SLC14A1: variants seen among roughly 807,000 people sequenced by gnomAD.
SLC14A1 encodes the protein urea transporter 1.
In SLC14A1, 36 loss-of-function variants were observed where a neutral mutation model predicts 39.6. The observed-to-expected ratio is 0.91, with a 90% confidence interval of 0.70 to 1.20. The LOEUF is 1.20. Ranked by LOEUF, SLC14A1 falls within the 50% of genes most tolerant of loss-of-function variation. The pLI is 0.00. For synonymous variants in SLC14A1, 164 were observed against 173.6 expected (o/e 0.94, Z 0.43); for missense variants, 469 against 478.7 (o/e 0.98, Z 0.19).
In SLC14A1 at chr18:45,734,457, G is replaced by A. The variant is rs527786363; in HGVS notation, c.470+55G>A. The A allele has an allele frequency of 1.3e-5, 20 of 1,584,392 alleles. No individual in the cohort carries two copies. The Admixed American group carries it at 3.2e-4, about 25-fold the overall frequency. ...TTTTGAAAAAAAAAACATGGCAGAA[G>A]GAGGGAATGGGAGTTGTTATATGGC... On this transcript the variant is annotated intron_variant, in intron 5 of 9. Transcript: ENST00000321925.
Position 45,734,297 on chromosome 18 carries a change from A to G in SLC14A1, c.365A>G (p.Tyr122Cys), listed in dbSNP as rs777719635. 1 of 1,614,058 alleles carries G rather than the reference A, an allele frequency of 6.2e-7. No individual in the cohort carries two copies. The highest frequency in any genetic ancestry group is 8.5e-7 in the Non-Finnish European group (1 of 1,179,972). ...QDRSLIASGL[Y>C]GYNATLVGVL... The stretch of plus-strand genomic sequence containing the variant: ...AGGTCATTAATAGCATCTGGGCTCT[A>G]TGGCTACAATGCCACCCTGGTGGGA... The change falls in exon 5 of 10, where the codon TAT becomes TGT. Residue 122 changes from tyrosine to cysteine, a missense_variant. Physicochemically the swap from Tyr to Cys is radical, Grantham distance 194. Transcript: ENST00000321925.
rs1052616 is a variant in SLC14A1 at position 45,752,306 on chromosome 18, A to T, written c.*2355A>T. On this transcript the variant is annotated 3_prime_UTR_variant, in exon 10 of 10. Transcript: ENST00000321925. The stretch of plus-strand genomic sequence containing the variant: ...AAATGGACCCGAGTCGATCTTCAGA[A>T]CAGGGATCTACCATGCAGGAGCTTC... The T allele has an allele frequency of 0.011, 9,434 of 879,380 alleles. 729 individuals are homozygous for T. In the African/African-American group the frequency reaches 0.16, roughly 15 times the overall value. The allele number at this position is 879,380 out of a possible 1,614,324, so 54.5% of individuals were successfully genotyped here.
At chr18:45,727,492 G>A (rs2046903892) in intron 2 of SLC14A1, 6 of 1,455,006 alleles carry the variant, frequency 4.1e-6, no homozygotes, top group Non-Finnish European at 5.5e-6. Flanking sequence ...ATCTTTTCCG[G>A]GCAGAGCCTG....
chr18:45,731,021 C>A lies in SLC14A1; in HGVS notation c.158C>A (p.Pro53His), dbSNP rs768487613. The A allele has an allele frequency of 1.2e-6, 2 of 1,613,996 alleles. No homozygotes were observed. The highest frequency in any genetic ancestry group is 1.7e-6 in the Non-Finnish European group (2 of 1,179,972). Residue 53 changes from proline (P) to histidine (H), a missense_variant, in exon 4 of 10, where the codon CCC becomes CAC. Transcript: ENST00000321925. ...TTTACCTCATCCCTTCCAGACAAAC[C>A]CGTGGTGCTCCAGTTCATTGACTGG... ...KELANQLKDK[P>H]VVLQFIDWIL...
chr18:45,728,188 G>C (rs905699320), intron 2 of SLC14A1, among the ~76,000 whole-genome samples: 1 of 152,158 alleles, frequency 6.6e-6, no homozygotes, highest in Non-Finnish European at 1.5e-5. Flanking sequence ...CAGGAGACTC[G>C]GGCCGCTCAG....
chr18:45,727,208 T>C, intron 2 of SLC14A1: 1 of 1,523,880 alleles, frequency 6.6e-7, no homozygotes, highest in Non-Finnish European at 8.9e-7. Context: ...TCATTAGAGC[T>C]AGGGCACACG....
chr18:45,724,678 A>G (rs547458021), intron 1 of SLC14A1, among the ~76,000 whole-genome samples: 1 of 152,362 alleles, frequency 6.6e-6, no homozygotes, highest in East Asian at 1.9e-4. Flanking sequence ...ACAAGACTCA[A>G]AAGAAAAAAG....
chr18:45,734,093 A>G lies in SLC14A1; in HGVS notation c.342-181A>G, dbSNP rs905764909. On this transcript the variant is annotated intron_variant, in intron 4 of 9. Transcript: ENST00000321925. ...TGCACATTTATATTTTTATCTATGT[A>G]TATTTCACTTCATGTCTTTATTAGT... 2.1e-4 allele frequency: 151 copies of G among 715,040 alleles called. 1 individual carries two copies. The highest frequency in any genetic ancestry group is 4.7e-5 in the Admixed American group (2 of 42,824). 44.3% of individuals were successfully genotyped at this position (715,040 alleles called of 1,614,324 possible). A position where few individuals can be genotyped will look rare whatever the true frequency, so the allele number is the denominator to read the frequency against.
intron 8 of SLC14A1, among the ~76,000 whole-genome samples, chr18:45,742,350 TTGG>T (rs1358506678): frequency 2.6e-4 from 31 of 120,364 alleles, no homozygotes; most frequent in African/African-American, 8.9e-4. Flanking sequence ...TTTTTGTTTT[TTGG>T]TTTTTTTTTT....
chr18:45,727,232 C>T (rs751258948), intron 2 of SLC14A1: 2 of 1,548,676 alleles, frequency 1.3e-6, no homozygotes, highest in South Asian at 2.4e-5. Context: ...TGCTGATTCA[C>T]ATATTTTTGC....
chr18:45,739,333 A>G, intron 7 of SLC14A1, 23 bp downstream of exon 7: 1 of 1,613,904 alleles, frequency 6.2e-7, no homozygotes, highest in Non-Finnish European at 8.5e-7. Context: ...GCCCTTACCA[A>G]ATATTGAGCA....
rs552337433 is a variant in SLC14A1 at position 45,727,093 on chromosome 18, A to G, written c.-22+2080A>G. On this transcript the variant is annotated intron_variant, in intron 2 of 9. Transcript: ENST00000321925. ...CCACTGAGAGCTCTTTGGTGAAGGCAAAGTCCTCCTTCTTCATTAGCGGTC... is the reference window on the plus strand; with the variant it reads ...CCACTGAGAGCTCTTTGGTGAAGGCGAAGTCCTCCTTCTTCATTAGCGGTC... 1.5e-4 allele frequency: 90 copies of G among 604,188 alleles called. No homozygotes were observed. In the African/African-American group the frequency reaches 1.6e-3, roughly 11 times the overall value. The allele number at this position is 604,188 out of a possible 1,614,324, so 37.4% of individuals were successfully genotyped here.
chr18:45,733,198 A>C (rs1045293161), intron 4 of SLC14A1, among the ~76,000 whole-genome samples: 1 of 152,226 alleles, frequency 6.6e-6, no homozygotes, highest in Non-Finnish European at 1.5e-5. Flanking sequence ...AGTCAGCATC[A>C]TGCAATACAT....
At chr18:45,735,901 A>C (rs2047180219) in intron 5 of SLC14A1, among the ~76,000 whole-genome samples, 1 of 152,184 alleles carries the variant, frequency 6.6e-6, no homozygotes, top group African/African-American at 2.4e-5. Context: ...GAGGCTAAGG[A>C]GATGCGCCTT....
At chr18:45,731,431 T>A (rs2047026688) in intron 4 of SLC14A1, 2 of 600,060 alleles carry the variant, frequency 3.3e-6, no homozygotes, top group South Asian at 3.7e-5. Context: ...TCTTGTGGCA[T>A]TACGTGCTAA....
chr18:45,749,137 A>G (rs1025858690), intron 9 of SLC14A1, among the ~76,000 whole-genome samples: 1 of 122,670 alleles, frequency 8.2e-6, no homozygotes, highest in Admixed American at 8.1e-5. Context: ...ATGCTTGAAC[A>G]TCTGTGTTTT....
chr18:45,731,770 C>T (rs1002191935), intron 4 of SLC14A1: 2 of 176,734 alleles, frequency 1.1e-5, no homozygotes, highest in Admixed American at 5.4e-5. Context: ...ATAAATTGAT[C>T]TGTCATTGAA....
At chr18:45,740,822 G>A (rs1380256508) in intron 8 of SLC14A1, among the ~76,000 whole-genome samples, 1 of 152,168 alleles carries the variant, frequency 6.6e-6, no homozygotes, top group Admixed American at 6.5e-5. Context: ...ACAGGCATAA[G>A]CCACCATGCC....
At position 45,750,754 on chromosome 18, in the gene SLC14A1, A is replaced by T. The variant is rs1402819863; in HGVS notation, c.*803A>T. The T allele has an allele frequency of 1.0e-6, 1 of 985,028 alleles. No individual in the cohort carries two copies. The highest frequency in any genetic ancestry group is 1.7e-5 in the African/African-American group (1 of 57,234). The allele number at this position is 985,028 out of a possible 1,614,324, so 61.0% of individuals were successfully genotyped here. A position where few individuals can be genotyped will look rare whatever the true frequency, so the allele number is the denominator to read the frequency against. On this transcript the variant is annotated 3_prime_UTR_variant, in exon 10 of 10. Coordinates refer to ENST00000321925, the MANE Select transcript of SLC14A1 (RefSeq NM_015865.7). ...TTAACCTGTTCTTACATATTAAAGA[A>T]AAGTTACTTACTGTATTTATGAAAT...
Sources: gnomAD v4.1 joint callset for allele counts (sites outside exome capture counted in the v4.1 genomes callset) on GRCh38, gnomAD v4.1.1 for gene constraint, MANE v1.5 for transcripts, NCBI Gene and HGNC (gene_info 2026-07-23, HGNC 2026-07-21) for gene names.